The following MET variants were observed in gnomAD, a reference collection of about 807,000 sequenced individuals.
MET encodes the protein hepatocyte growth factor receptor.
Under a neutral mutation model 133.1 loss-of-function variants are expected in MET, and 48 were observed. The ratio of observed to expected loss-of-function variants is 0.36; its 90% CI spans 0.29 to 0.46. The LOEUF (loss-of-function observed/expected upper bound fraction) is 0.46. Among genes scored for constraint, MET ranks in the 20% least tolerant of loss-of-function variants. The pLI, the probability that MET is intolerant of heterozygous loss-of-function variation, is 1.00. For missense variants in MET, 1,442 were observed against 1,695.9 expected, an observed-to-expected ratio of 0.85 and a Z score of 2.63; for synonymous variants, 628 against 616.5, an observed-to-expected ratio of 1.02 and a Z score of -0.28.
intron 1 of MET, among the ~76,000 whole-genome samples, chr7:116,676,381 T>C (rs1405198664): frequency 6.6e-6 from 1 of 152,226 alleles, no homozygotes; most frequent in Non-Finnish European, 1.5e-5. Context: ...ACTCCAAGAA[T>C]GTGAATGAGG....
At chr7:116,734,700 ATAG>A (rs1369409711) in intron 3 of MET, among the ~76,000 whole-genome samples, 1 of 152,236 alleles carries the variant, frequency 6.6e-6, no homozygotes, top group Non-Finnish European at 1.5e-5. Flanking sequence ...TCGAAGTAAA[ATAG>A]TAGGATAAGC....
intron 5 of MET, among the ~76,000 whole-genome samples, chr7:116,747,496 C>G (rs1238138436): frequency 6.6e-6 from 1 of 152,144 alleles, no homozygotes; most frequent in African/African-American, 2.4e-5. Context: ...ATAAAACAGA[C>G]TTCAAACCAA....
intron 15 of MET, among the ~76,000 whole-genome samples, chr7:116,776,223 T>C (rs952888824): frequency 6.6e-5 from 10 of 152,346 alleles, no homozygotes; most frequent in Middle Eastern, 3.4e-3. Context: ...CAAGGCCTTC[T>C]CACTTTCCTG....
At chr7:116,717,415 CAT>C (rs1000949734) in intron 2 of MET, among the ~76,000 whole-genome samples, 6 of 152,160 alleles carry the variant, frequency 3.9e-5, no homozygotes, top group Admixed American at 1.3e-4. Flanking sequence ...AAAAAAAACA[CAT>C]GAGTGAAATT....
chr7:116,720,996 C>T (rs1401842053), intron 2 of MET, among the ~76,000 whole-genome samples: 3 of 151,440 alleles, frequency 2.0e-5, no homozygotes, highest in Non-Finnish European at 4.4e-5. Context: ...TGATGCTGGC[C>T]TCATAAAATG....
chr7:116,711,096 C>T (rs1047062186), intron 2 of MET, among the ~76,000 whole-genome samples: 2 of 152,156 alleles, frequency 1.3e-5, no homozygotes, highest in African/African-American at 2.4e-5. Flanking sequence ...ATTTTAATAA[C>T]GATGTTGGCA....
chr7:116,736,193 G>A (rs1793204705), intron 3 of MET, among the ~76,000 whole-genome samples: 1 of 152,006 alleles, frequency 6.6e-6, no homozygotes, highest in Non-Finnish European at 1.5e-5. Flanking sequence ...AAAAATCAAG[G>A]ATTCCATTTA....
At chr7:116,745,243 A>G (rs1244518059) in intron 5 of MET, among the ~76,000 whole-genome samples, 2 of 152,196 alleles carry the variant, frequency 1.3e-5, no homozygotes, top group African/African-American at 4.8e-5. Context: ...GACCTCTTCA[A>G]GGAGAACTAC....
intron 1 of MET, among the ~76,000 whole-genome samples, chr7:116,673,835 T>A (rs1252391684): frequency 6.6e-6 from 1 of 152,234 alleles, no homozygotes; most frequent in African/African-American, 2.4e-5. Flanking sequence ...GAGCTTTGTT[T>A]TGAACGTGTA....
Position 116,740,950 on chromosome 7 carries a change from C to T in MET, c.1626C>T (p.His542=), listed in dbSNP as rs762898756. Residue 542 remains histidine (H), a synonymous_variant, in exon 5 of 21, where the codon CAC becomes CAT. Transcript: ENST00000397752. ...CCTTTGTTCAGTGTGGCTGGTGCCACGACAAATGTGTGCGATCGGAGGAAT... is the reference window on the plus strand; with the variant it reads ...CCTTTGTTCAGTGTGGCTGGTGCCATGACAAATGTGTGCGATCGGAGGAAT... ...APPFVQCGWC[H]DKCVRSEECL... 2.1e-5 allele frequency: 34 copies of T among 1,613,932 alleles called. No individual in the cohort carries two copies. Among genetic ancestry groups the T allele is most frequent in the Middle Eastern group, 3.3e-4 (2 of 6,084 alleles).
At chr7:116,679,958 A>G (rs1039349451) in intron 1 of MET, among the ~76,000 whole-genome samples, 5 of 152,198 alleles carry the variant, frequency 3.3e-5, no homozygotes, top group African/African-American at 1.2e-4. Flanking sequence ...CTTTCTTGAT[A>G]CCATATTGTG....
chr7:116,758,649 A>G (rs769409893), intron 9 of MET, 29 bp downstream of exon 9: 1 of 1,602,504 alleles, frequency 6.2e-7, no homozygotes, highest in Non-Finnish European at 8.5e-7. Context: ...TGGGTATAAG[A>G]AAACAATGAA....
chr7:116,750,101 C>A (rs979858317), intron 5 of MET, among the ~76,000 whole-genome samples: 1 of 152,014 alleles, frequency 6.6e-6, no homozygotes, highest in South Asian at 2.1e-4. Context: ...CATATGGAAC[C>A]AAAAAAGAGC....
chr7:116,712,873 AAG>A (rs1337114602), intron 2 of MET, among the ~76,000 whole-genome samples: 1 of 152,186 alleles, frequency 6.6e-6, no homozygotes, highest in African/African-American at 2.4e-5. Flanking sequence ...TAAAAGGAGA[AAG>A]AGGGAATACT....
intron 1 of MET, among the ~76,000 whole-genome samples, chr7:116,680,802 C>T (rs1350293447): frequency 6.6e-6 from 1 of 151,984 alleles, no homozygotes; most frequent in Non-Finnish European, 1.5e-5. Context: ...AGTAGCTGGA[C>T]ATGGTGGCGC....
chr7:116,687,387 C>G (rs57149583), intron 1 of MET, among the ~76,000 whole-genome samples: 8,241 of 152,216 alleles, frequency 0.054, 739 homozygotes, highest in African/African-American at 0.19. Flanking sequence ...ATTCTCTATT[C>G]TTTTAAAAGT....
rs760664725 is a variant in MET, at chr7:116,757,633, T to C, written c.1966-5T>C. The C allele has an allele frequency of 1.9e-6, 3 of 1,613,966 alleles. No homozygotes were observed. Among genetic ancestry groups the C allele is most frequent in the Non-Finnish European group, 1.7e-6 (2 of 1,179,932 alleles). On this transcript the variant is annotated splice_region_variant and splice_polypyrimidine_tract_variant and intron_variant, in intron 7 of 20. Coordinates refer to ENST00000397752, the MANE Select transcript of MET (RefSeq NM_000245.4). Reference sequence around the variant, plus strand: ...TACTTTGTTTTGTTTTTATCTCCCCTCCAGGATCCTGTAATAACAAGTATT... The same window carrying C: ...TACTTTGTTTTGTTTTTATCTCCCCCCCAGGATCCTGTAATAACAAGTATT...
intron 1 of MET, among the ~76,000 whole-genome samples, chr7:116,690,998 A>T (rs746545921): frequency 3.3e-5 from 5 of 152,200 alleles, no homozygotes; most frequent in African/African-American, 4.8e-5. Flanking sequence ...TAATAAACAT[A>T]ATATAAATGT....
At chr7:116,697,093 G>T (rs1165578867) in intron 1 of MET, among the ~76,000 whole-genome samples, 1 of 152,114 alleles carries the variant, frequency 6.6e-6, no homozygotes, top group Non-Finnish European at 1.5e-5. Flanking sequence ...ACTCAACGTG[G>T]TTAAAACCAA....
Sources: allele counts gnomAD v4.1 joint callset (sites outside exome capture counted in the v4.1 genomes callset), GRCh38; gene constraint gnomAD v4.1.1; transcripts MANE v1.5; gene names NCBI Gene and HGNC (gene_info 2026-07-23, HGNC 2026-07-21).